The following SZT2 variants were observed in gnomAD, a reference collection of about 807,000 sequenced individuals.
SZT2 encodes the protein SZT2 subunit of KICSTOR complex, also known as KICSTOR complex protein SZT2.
Under a neutral mutation model 404.2 loss-of-function variants are expected in SZT2, and 216 were observed. That is an observed-to-expected ratio of 0.53 (90% CI 0.48 to 0.60). SZT2 has a LOEUF of 0.60. SZT2 is among the 20% of genes least tolerant of loss of function. The pLI is 0.00. For synonymous variants in SZT2, 1,693 were observed against 1,749.9 expected, an observed-to-expected ratio of 0.97 and a Z score of 0.81; for missense variants, 3,857 against 4,459.2, an observed-to-expected ratio of 0.86 and a Z score of 3.85.
In SZT2 at chr1:43,453,858, C is replaced by G; in HGVS notation, c.*3378C>G. On this transcript the variant is annotated 3_prime_UTR_variant, in exon 72 of 72. Transcript: ENST00000634258. ...AAGGCGGCGGGCGGCGGGCGGCGGG[C>G]GGCGGGCGGGGGCGGGGCTCTCCTT... 1 of 932,818 alleles carries G rather than the reference C, an allele frequency of 1.1e-6. No homozygotes were observed. The allele number at this position is 932,818 out of a possible 1,614,324, so 57.8% of individuals were successfully genotyped here. A position where few individuals can be genotyped will look rare whatever the true frequency, so the allele number is the denominator to read the frequency against.
chr1:43,452,435 C>T lies in SZT2; in HGVS notation c.*1955C>T. Reference sequence around the variant, plus strand: ...TCCCCAGGTCTCCAGTCCATGGCACCTGGGTCACGATGCCCAGGTATCCCA... The same window carrying T: ...TCCCCAGGTCTCCAGTCCATGGCACTTGGGTCACGATGCCCAGGTATCCCA... On this transcript the variant is annotated 3_prime_UTR_variant, in exon 72 of 72. Transcript: ENST00000634258. 1.2e-6 allele frequency: 1 copy of T among 814,332 alleles called. No homozygotes were observed. The highest frequency in any genetic ancestry group is 2.1e-6 in the Non-Finnish European group (1 of 474,112). The allele number at this position is 814,332 out of a possible 1,614,324, so 50.4% of individuals were successfully genotyped here. A position where few individuals can be genotyped will look rare whatever the true frequency, so the allele number is the denominator to read the frequency against.
At chr1:43,446,932 G>A (rs1336949388) in intron 65 of SZT2, 23 bp from the exon 66 acceptor site, 3 of 1,598,688 alleles carry the variant, frequency 1.9e-6, no homozygotes, top group Non-Finnish European at 2.6e-6. Flanking sequence ...CCTTAACCCT[G>A]TCTCCTGCTG....
At position 43,452,948 on chromosome 1, in the gene SZT2, G is replaced by A. The variant is rs778938916; in HGVS notation, c.*2468G>A. On this transcript the variant is annotated 3_prime_UTR_variant, in exon 72 of 72. Coordinates refer to ENST00000634258, the MANE Select transcript of SZT2 (RefSeq NM_001365999.1). ...TGCCAAATACACCAGGCCTCCTCTT[G>A]CCACAGCACCCTTGCAAGGAACACT... The A allele has an allele frequency of 3.7e-6, 6 of 1,609,382 alleles. No individual in the cohort carries two copies. The highest frequency in any genetic ancestry group is 1.7e-5 in the Admixed American group (1 of 59,606).
chr1:43,416,123 G>A (rs72881993), intron 6 of SZT2, 22 bp downstream of exon 6: 22 of 1,595,152 alleles, frequency 1.4e-5, no homozygotes, highest in Non-Finnish European at 1.8e-5. Flanking sequence ...GAATATTGGT[G>A]GGACTGGGGA....
At position 43,447,970 on chromosome 1, in the gene SZT2, C is replaced by T. The variant is rs758178091; in HGVS notation, c.9562C>T (p.Arg3188Trp). 2.0e-5 allele frequency: 32 copies of T among 1,613,906 alleles called. No homozygotes were observed. The highest frequency in any genetic ancestry group is 1.6e-4 in the Middle Eastern group (1 of 6,062). Residue 3188 changes from arginine to tryptophan, a missense_variant and splice_region_variant, in exon 68 of 72, where the codon CGG becomes TGG. Arg to Trp is a moderately radical substitution (Grantham distance 101, BLOSUM62 -3). This residue lies in a region of SZT2 where 717 missense variants were observed against 868.2 expected (regional missense o/e 0.83). Coordinates refer to ENST00000634258, the MANE Select transcript of SZT2 (RefSeq NM_001365999.1). ...AGGAGAGGCTGAGCGGCACGTTCTG[C>T]GGTCAGCAGATCCCCTACCTTGAAC... ...EQGEAERHVL[R>W]LQFFVVLTSQ...
intron 4 of SZT2, among the ~76,000 whole-genome samples, chr1:43,408,688 A>G (rs988580687): frequency 2.0e-5 from 3 of 151,988 alleles, no homozygotes; most frequent in African/African-American, 7.3e-5. Flanking sequence ...ATCTTACCAT[A>G]TGTTTAGCCA....
intron 7 of SZT2, among the ~76,000 whole-genome samples, chr1:43,419,123 T>C (rs1363425333): frequency 1.3e-5 from 2 of 152,232 alleles, no homozygotes; most frequent in Non-Finnish European, 2.9e-5. Context: ...CCGTCACAGC[T>C]ACTCAGCTCT....
At chr1:43,403,557 A>T (rs375761216) in intron 2 of SZT2, 44 bp from the exon 3 acceptor site, 7 of 1,591,326 alleles carry the variant, frequency 4.4e-6, no homozygotes, top group Middle Eastern at 1.8e-4. Context: ...GAAGAAAGGG[A>T]TACTTCGCTG....
At position 43,433,023 on chromosome 1, in the gene SZT2, G is replaced by A. The variant is rs1654080897; in HGVS notation, c.5637G>A (p.Glu1879=). Residue 1879 remains glutamate (E), a synonymous_variant, in exon 40 of 72, where the codon GAG becomes GAA. Transcript: ENST00000634258. ...YDGGSSGSDS[E]GPNDTLGEKA... The stretch of plus-strand genomic sequence containing the variant: ...GTGGCAGCAGTGGCTCAGACAGTGA[G>A]GGTCCCAATGACACCCTTGGTGAGA... The A allele has an allele frequency of 1.9e-6, 3 of 1,614,082 alleles. No individual in the cohort carries two copies. The highest frequency in any genetic ancestry group is 1.7e-6 in the Non-Finnish European group (2 of 1,180,034).
Position 43,452,462 on chromosome 1 carries a change from C to T in SZT2, c.*1982C>T, listed in dbSNP as rs1301543292. Reference sequence around the variant, plus strand: ...GGGTCACGATGCCCAGGTATCCCAGCACTTTCAGAGACACTTCAGTGATGG... The same window carrying T: ...GGGTCACGATGCCCAGGTATCCCAGTACTTTCAGAGACACTTCAGTGATGG... On this transcript the variant is annotated 3_prime_UTR_variant, in exon 72 of 72. Transcript: ENST00000634258. The T allele has an allele frequency of 4.1e-6, 3 of 731,780 alleles. No homozygotes were observed. In the Admixed American group the frequency reaches 6.0e-5, roughly 15 times the overall value. 45.3% of individuals were successfully genotyped at this position (731,780 alleles called of 1,614,324 possible). A position where few individuals can be genotyped will look rare whatever the true frequency, so the allele number is the denominator to read the frequency against.
Position 43,430,011 on chromosome 1 carries a change from G to C in SZT2, c.4309G>C (p.Glu1437Gln). Residue 1437 changes from glutamate (E) to glutamine (Q), a missense_variant and splice_region_variant, in exon 30 of 72, where the codon GAG (glutamate) becomes CAG (glutamine). Physicochemically the swap from Glu to Gln is conservative, Grantham distance 29 (BLOSUM62 2). Coordinates refer to ENST00000634258, the MANE Select transcript of SZT2 (RefSeq NM_001365999.1). ...AACCTCCTTCTAAACCCCACAACAG[G>C]AGAAGTTCCTAGAGATCAGTCGTCT... ...AHGALHSVIQEKFLEISRLHF... is the reference protein window; with the variant it reads ...AHGALHSVIQQKFLEISRLHF... The C allele has an allele frequency of 6.2e-7, 1 of 1,614,112 alleles. No homozygotes were observed. Among genetic ancestry groups the C allele is most frequent in the Non-Finnish European group, 8.5e-7 (1 of 1,180,026 alleles).
At chr1:43,419,692 G>A (rs771172073) in intron 7 of SZT2, 42 bp from the exon 8 acceptor site, 19 of 1,512,604 alleles carry the variant, frequency 1.3e-5, no homozygotes, top group Non-Finnish European at 1.7e-5. Flanking sequence ...CTTCTCCTAT[G>A]CCTCTGTCAG....
chr1:43,429,826 C>T lies in SZT2; in HGVS notation c.4290C>T (p.Ala1430=). The T allele has an allele frequency of 6.2e-7, 1 of 1,614,150 alleles. No homozygotes were observed. The highest frequency in any genetic ancestry group is 8.5e-7 in the Non-Finnish European group (1 of 1,180,028). ...VCQLRGEAHG[A]LHSVIQEKFL... is the part of the protein sequence containing the mutation. ...AGCTCAGAGGAGAGGCCCATGGTGC[C>T]CTTCATAGCGTCATCCAGGTGGGAA... The change falls in exon 29 of 72, where the codon GCC becomes GCT. Residue 1430 remains alanine, a synonymous_variant. Coordinates refer to ENST00000634258, the MANE Select transcript of SZT2 (RefSeq NM_001365999.1).
In SZT2 at chr1:43,452,022, ATGTCGGGTGC is replaced by A. The variant is rs747147077; in HGVS notation, c.*1546_*1555del. 6.2e-7 allele frequency: 1 copy of A among 1,601,616 alleles called. No homozygotes were observed. The highest frequency in any genetic ancestry group is 1.1e-5 in the South Asian group (1 of 89,360). ...AGTCCCACGAGGTCCTCCTAGCAGC[ATGTCGGGTGC>A]TGTGAATAGAGCTCCTTCCCAAGTT... On this transcript the variant is annotated 3_prime_UTR_variant, in exon 72 of 72. Coordinates refer to ENST00000634258, the MANE Select transcript of SZT2 (RefSeq NM_001365999.1).
chr1:43,426,108 A>G lies in SZT2; in HGVS notation c.3000A>G (p.Pro1000=), dbSNP rs1465923159. Residue 1000 remains proline, a synonymous_variant, in exon 21 of 72, where the codon CCA becomes CCG. Transcript: ENST00000634258. The surrounding 1 kb of genome is among the most constrained non-coding windows in gnomAD (Gnocchi z 4.9). The part of the protein sequence containing the change: ...PFHFDLMGLL[P]QCQQLQMFFL... The stretch of plus-strand genomic sequence containing the variant: ...ATTTTGACCTAATGGGATTGCTGCC[A>G]CAGTGCCAGCAGCTCCAGATGTTCT... The G allele has an allele frequency of 6.2e-7, 1 of 1,614,190 alleles. No homozygotes were observed. Among genetic ancestry groups the G allele is most frequent in the Admixed American group, 1.7e-5 (1 of 60,030 alleles).
chr1:43,415,564 T>C (rs1281704370), intron 5 of SZT2, among the ~76,000 whole-genome samples: 1 of 152,210 alleles, frequency 6.6e-6, no homozygotes, highest in African/African-American at 2.4e-5. Context: ...GACTTCCCTG[T>C]CTCATCACTT....
rs199822124 is a variant in SZT2 at position 43,425,666 on chromosome 1, C to T, written c.2814+24C>T. The T allele has an allele frequency of 9.3e-6, 15 of 1,611,616 alleles. No individual in the cohort carries two copies. The highest frequency in any genetic ancestry group is 2.2e-5 in the East Asian group (1 of 44,862). ...CTGTGAGTGTCCTCAGAACAGTACC[C>T]GCACCTCTCTCACTGGATTGGGGTG... On this transcript the variant is annotated intron_variant, in intron 19 of 71. Transcript: ENST00000634258. This position sits in a 1 kb window ranked among gnomAD's most constrained non-coding sequence, Gnocchi z 4.3.
Position 43,425,942 on chromosome 1 carries a change from C to T in SZT2, c.2922C>T (p.Val974=), listed in dbSNP as rs746454034. The change falls in exon 20 of 72, where the codon GTC becomes GTT. Residue 974 remains valine, a synonymous_variant. Transcript: ENST00000634258. The surrounding 1 kb of genome is among the most constrained non-coding windows in gnomAD (Gnocchi z 4.3). ...GTCCTCTGCCCCCAGAGCCGAGGGT[C>T]TCTGATGGTGAGTGGGGCAGGCGGC... ...EWGPLPPEPR[V]SDGLDQGGDT... 6.2e-6 allele frequency: 10 copies of T among 1,614,046 alleles called. No homozygotes were observed. The South Asian group carries it at 1.1e-4, about 18-fold the overall frequency.
intron 62 of SZT2, chr1:43,445,540 T>G (rs41270359): frequency 1.2e-3 from 391 of 335,148 alleles, no homozygotes; most frequent in Middle Eastern, 1.9e-3. Context: ...GGAAGGTACC[T>G]AACCAGGCAT....
Sources: allele counts gnomAD v4.1 joint callset (sites outside exome capture counted in the v4.1 genomes callset), GRCh38; gene constraint gnomAD v4.1.1; regional missense constraint gnomAD v4.1.1; non-coding constraint Gnocchi (gnomAD v3.1); transcripts MANE v1.5; gene names NCBI Gene and HGNC (gene_info 2026-07-23, HGNC 2026-07-21).